ADAMTS19: variants seen among roughly 807,000 people sequenced by gnomAD.
ADAMTS19 encodes ADAM metallopeptidase with thrombospondin type 1 motif 19.
ADAMTS19 carries 93 observed loss-of-function variants against 153.3 expected under a neutral mutation model. The observed-to-expected ratio is 0.61, with a 90% CI of 0.51 to 0.72. The LOEUF (loss-of-function observed/expected upper bound fraction) is 0.72. ADAMTS19 is among the 30% of genes least tolerant of loss of function. The pLI, the probability that ADAMTS19 is intolerant of heterozygous loss-of-function variation, is 0.00. For synonymous variants in ADAMTS19, 600 were observed against 556.6 expected (o/e 1.08, Z -1.10); for missense variants, 1,482 against 1,552.1 (o/e 0.95, Z 0.76).
intron 7 of ADAMTS19, among the ~76,000 whole-genome samples, chr5:129,560,682 C>G (rs1049315884): frequency 1.3e-5 from 2 of 152,158 alleles, no homozygotes; most frequent in African/African-American, 4.8e-5. Flanking sequence ...AGTAGAATTT[C>G]AAGGAAAACT....
chr5:129,466,033 G>T (rs1292807631), intron 2 of ADAMTS19, among the ~76,000 whole-genome samples: 1 of 152,190 alleles, frequency 6.6e-6, no homozygotes, highest in Non-Finnish European at 1.5e-5. Context: ...AACGTACCTA[G>T]AACAAGAGCA....
intron 2 of ADAMTS19, among the ~76,000 whole-genome samples, chr5:129,493,465 T>C (rs1335956315): frequency 2.6e-5 from 4 of 152,190 alleles, no homozygotes; most frequent in African/African-American, 7.2e-5. Context: ...CATCTGTTAA[T>C]TCCCCTTTCA....
At chr5:129,597,350 G>A (rs1377240061) in intron 8 of ADAMTS19, among the ~76,000 whole-genome samples, 1 of 152,084 alleles carries the variant, frequency 6.6e-6, no homozygotes, top group East Asian at 1.9e-4. Context: ...ACAATTTTGT[G>A]ATGTGTTATT....
chr5:129,717,330 G>T (rs532903687), intron 21 of ADAMTS19, among the ~76,000 whole-genome samples: 1 of 151,878 alleles, frequency 6.6e-6, no homozygotes, highest in African/African-American at 2.4e-5. Context: ...TTTTTGGGGG[G>T]TACACAGTAA....
intron 2 of ADAMTS19, among the ~76,000 whole-genome samples, chr5:129,481,686 A>T (rs1750414746): frequency 6.6e-6 from 1 of 152,186 alleles, no homozygotes; most frequent in South Asian, 2.1e-4. Context: ...AAATCAAAAC[A>T]TTAAAGGATT....
rs907231690 is a variant in ADAMTS19 at position 129,626,118 on chromosome 5, A to C, written c.1770+3770A>C. 7.9e-5 allele frequency among the ~76,000 whole-genome samples: 12 copies of C among 152,282 alleles called. No individual in the cohort carries two copies. The East Asian group carries it at 2.3e-3, about 29-fold the overall frequency. The stretch of plus-strand genomic sequence containing the variant: ...AACAATTTGAGGTCTAGAGCAGTTA[A>C]ATAATACTTTGAAGTTCTTATACCT... On this transcript the variant is annotated intron_variant, in intron 10 of 22. Coordinates refer to ENST00000274487, the MANE Select transcript of ADAMTS19 (RefSeq NM_133638.6).
chr5:129,570,450 A>G (rs997031329), intron 7 of ADAMTS19, among the ~76,000 whole-genome samples: 9 of 151,870 alleles, frequency 5.9e-5, no homozygotes, highest in Non-Finnish European at 1.3e-4. Flanking sequence ...CCCAAAAATA[A>G]AATCTCCAGC....
chr5:129,611,807 T>G (rs1751233433), intron 8 of ADAMTS19, among the ~76,000 whole-genome samples: 1 of 151,940 alleles, frequency 6.6e-6, no homozygotes, highest in South Asian at 2.1e-4. Context: ...TCACCAAAGT[T>G]GAAATGAAGG....
chr5:129,587,917 G>A (rs558808406), intron 7 of ADAMTS19, among the ~76,000 whole-genome samples: 1 of 152,160 alleles, frequency 6.6e-6, no homozygotes, highest in South Asian at 2.1e-4. Context: ...TACTAACAGG[G>A]AAAAAGTGCC....
intron 10 of ADAMTS19, among the ~76,000 whole-genome samples, chr5:129,641,523 G>C (rs1581175740): frequency 1.3e-5 from 2 of 152,144 alleles, no homozygotes; most frequent in South Asian, 4.1e-4. Context: ...TTCCAGCCTG[G>C]TCCATGTGTC....
intron 6 of ADAMTS19, among the ~76,000 whole-genome samples, chr5:129,550,937 CAACT>C (rs1276646484): frequency 1.3e-5 from 2 of 151,588 alleles, no homozygotes; most frequent in African/African-American, 2.4e-5. Context: ...CAAAACATCA[CAACT>C]AACTTTTTAG....
intron 21 of ADAMTS19, among the ~76,000 whole-genome samples, chr5:129,708,759 A>G (rs1399702954): frequency 2.0e-5 from 3 of 152,088 alleles, no homozygotes; most frequent in Non-Finnish European, 4.4e-5. Context: ...AATTGCACAT[A>G]ATTGTTCCTG....
chr5:129,684,499 G>GCATTATATTACATTACATTA (rs55770530), intron 18 of ADAMTS19, among the ~76,000 whole-genome samples: 9,667 of 132,588 alleles, frequency 0.073, 388 homozygotes, highest in Non-Finnish European at 0.084. Context: ...ACTACTCTTT[G>GCATTATATTACATTACATTA]CATTACATTA....
intron 7 of ADAMTS19, among the ~76,000 whole-genome samples, chr5:129,580,166 G>T (rs1181424532): frequency 1.3e-5 from 2 of 152,098 alleles, no homozygotes; most frequent in Non-Finnish European, 1.5e-5. Flanking sequence ...CCTGTAAGTT[G>T]TATTCCTAGG....
At chr5:129,711,442 G>A (rs563341537) in intron 21 of ADAMTS19, among the ~76,000 whole-genome samples, 2 of 152,268 alleles carry the variant, frequency 1.3e-5, no homozygotes, top group African/African-American at 4.8e-5. Context: ...TTGGGAGGCC[G>A]AGGTGGGTGG....
At chr5:129,603,406 A>G (rs1462499651) in intron 8 of ADAMTS19, among the ~76,000 whole-genome samples, 3 of 152,228 alleles carry the variant, frequency 2.0e-5, no homozygotes, top group African/African-American at 4.8e-5. Context: ...ACAAATATTT[A>G]GTGGTGTCTT....
chr5:129,718,260 AT>A (rs139546025), intron 21 of ADAMTS19, among the ~76,000 whole-genome samples: 1,951 of 152,088 alleles, frequency 0.013, 35 homozygotes, highest in African/African-American at 0.043. Flanking sequence ...AATCTGTTTG[AT>A]TTTGTCACAC....
chr5:129,561,655 G>C (rs10075775), intron 7 of ADAMTS19, among the ~76,000 whole-genome samples: 4,277 of 152,190 alleles, frequency 0.028, 199 homozygotes, highest in African/African-American at 0.097. Context: ...TGAAAGCATA[G>C]GATGAACTTT....
At chr5:129,674,113 C>A (rs987582158) in intron 16 of ADAMTS19, among the ~76,000 whole-genome samples, 2 of 151,970 alleles carry the variant, frequency 1.3e-5, no homozygotes, top group African/African-American at 4.8e-5. Context: ...CCCCTGTAAT[C>A]CCAGCTACTC....
Sources: allele counts gnomAD v4.1 joint callset (sites outside exome capture counted in the v4.1 genomes callset), GRCh38; gene constraint gnomAD v4.1.1; transcripts MANE v1.5; gene names NCBI Gene and HGNC (gene_info 2026-07-23, HGNC 2026-07-21).